ZNF423: variants seen among roughly 807,000 people sequenced by gnomAD.
ZNF423 encodes the protein zinc finger protein 423.
A neutral mutation model predicts 95.8 loss-of-function variants in ZNF423; 12 were observed. That is an observed-to-expected ratio of 0.13 (90% confidence interval 0.08 to 0.20). The LOEUF (loss-of-function observed/expected upper bound fraction) is 0.20. Ranked by LOEUF, ZNF423 falls within the 10% of genes least tolerant of loss-of-function variation. The pLI, the probability that ZNF423 is intolerant of heterozygous loss-of-function variation, is 1.00. For missense variants in ZNF423, 1,316 were observed against 1,737.1 expected (o/e 0.76, Z 4.31); for synonymous variants, 749 against 711.9 (o/e 1.05, Z -0.83).
chr16:49,554,061 AATG>A (rs1055898696), intron 5 of ZNF423, among the ~76,000 whole-genome samples: 2 of 152,050 alleles, frequency 1.3e-5, no homozygotes, highest in Non-Finnish European at 2.9e-5. Flanking sequence ...CCCCCACAAC[AATG>A]ATATCTTTTC....
intron 5 of ZNF423, among the ~76,000 whole-genome samples, chr16:49,575,748 A>G (rs1422508289): frequency 3.3e-5 from 5 of 152,144 alleles, no homozygotes; most frequent in African/African-American, 1.2e-4. Flanking sequence ...CATGCAAATC[A>G]CCTGGAGCTC....
Position 49,525,225 on chromosome 16 carries a change from G to T in ZNF423, c.3733+138C>A. The T allele has an allele frequency of 3.0e-6, 4 of 1,314,624 alleles. No homozygotes were observed. The East Asian group carries it at 9.7e-5, about 32-fold the overall frequency. 81.4% of individuals were successfully genotyped at this position (1,314,624 alleles called of 1,614,324 possible). A position where few individuals can be genotyped will look rare whatever the true frequency, so the allele number is the denominator to read the frequency against. ...GGGCAAAGGGCCTGTTAATCCCTCA[G>T]GGTATCCCCAACGGAGTCCTGGTCT... On this transcript the variant is annotated intron_variant, in intron 6 of 7. Transcript: ENST00000563137.
chr16:49,504,359 A>T (rs910097731), intron 7 of ZNF423, among the ~76,000 whole-genome samples: 1 of 152,220 alleles, frequency 6.6e-6, no homozygotes, highest in African/African-American at 2.4e-5. Context: ...AGGTGGGCAG[A>T]ACACTTGAGG....
chr16:49,715,760 A>G (rs528372539), intron 3 of ZNF423, among the ~76,000 whole-genome samples: 1 of 151,780 alleles, frequency 6.6e-6, no homozygotes, highest in Non-Finnish European at 1.5e-5. Context: ...AACAAAAGCC[A>G]GACACAGTGG....
chr16:49,636,613 G>A lies in ZNF423; in HGVS notation c.2563C>T (p.Pro855Ser). 6 of 1,613,914 alleles carry A rather than the reference G, an allele frequency of 3.7e-6. No homozygotes were observed. The highest frequency in any genetic ancestry group is 5.1e-6 in the Non-Finnish European group (6 of 1,179,970). ...GGCTCAGCTTTCTTGGTGGCCATTG[G>A]GGGTACCCCATTGGCCGTGCCGTTC... ...TENGTANGVP[P>S]MATKKAEPAD... is the part of the protein sequence containing the mutation. Residue 855 changes from proline to serine, a missense_variant, in exon 4 of 8, where the codon CCA becomes TCA. Around this residue, in one of 6 missense-constraint regions of ZNF423, gnomAD observed 620 missense variants for 775.6 expected, o/e 0.80. Transcript: ENST00000563137. The surrounding 1 kb of genome is among the most constrained non-coding windows in gnomAD (Gnocchi z 8.6).
intron 5 of ZNF423, among the ~76,000 whole-genome samples, chr16:49,566,852 G>C (rs1413525107): frequency 2.6e-5 from 4 of 152,038 alleles, no homozygotes; most frequent in African/African-American, 9.7e-5. Context: ...ATTTTGGGGA[G>C]GGGGTCAGCA....
intron 2 of ZNF423, among the ~76,000 whole-genome samples, chr16:49,770,550 A>T (rs2143704502): frequency 6.6e-6 from 1 of 152,228 alleles, no homozygotes; most frequent in Non-Finnish European, 1.5e-5. Context: ...GAAGGGCAGG[A>T]TAGGGGTTCA....
chr16:49,626,944 C>G (rs541935485), intron 4 of ZNF423, among the ~76,000 whole-genome samples: 1 of 124,112 alleles, frequency 8.1e-6, no homozygotes, highest in South Asian at 3.0e-4. Context: ...CCAATAGACC[C>G]ATCCATCCAT....
intron 5 of ZNF423, among the ~76,000 whole-genome samples, chr16:49,534,100 C>A (rs976399168): frequency 2.6e-5 from 4 of 152,030 alleles, no homozygotes; most frequent in South Asian, 4.2e-4. Flanking sequence ...AACCATTGCA[C>A]CCCAGCCAGC....
chr16:49,795,458 C>T (rs2034483053), intron 1 of ZNF423, among the ~76,000 whole-genome samples: 1 of 152,206 alleles, frequency 6.6e-6, no homozygotes, highest in Admixed American at 6.5e-5. Context: ...AAAACTCTGG[C>T]CACAGAATCC....
At chr16:49,744,593 G>C (rs935448178) in intron 2 of ZNF423, among the ~76,000 whole-genome samples, 1 of 152,230 alleles carries the variant, frequency 6.6e-6, no homozygotes, top group Non-Finnish European at 1.5e-5. Context: ...GGTTTTGATG[G>C]GGACTGCACT....
At chr16:49,806,624 T>C (rs980780057) in intron 1 of ZNF423, among the ~76,000 whole-genome samples, 1 of 152,198 alleles carries the variant, frequency 6.6e-6, no homozygotes, top group African/African-American at 2.4e-5. Flanking sequence ...TGTGTATGTA[T>C]GACGTGTGTG....
At chr16:49,794,211 G>GA (rs1555486641) in intron 1 of ZNF423, among the ~76,000 whole-genome samples, 1 of 146,934 alleles carries the variant, frequency 6.8e-6, no homozygotes, top group African/African-American at 2.5e-5. Flanking sequence ...GATTTTTGTA[G>GA]TTTTTTTTGT....
chr16:49,847,854 G>A lies in ZNF423; in HGVS notation c.40+7881C>T, dbSNP rs1459846614. ...ATGGTTAAGATGGGCCATGCAAGGT[G>A]CCTCATGCCTGTAATCCCAGCATTT... On this transcript the variant is annotated intron_variant, in intron 1 of 7. Coordinates refer to ENST00000563137, the MANE Select transcript of ZNF423 (RefSeq NM_001379286.1). Among the ~76,000 whole-genome samples the A allele has an allele frequency of 2.0e-5, 3 of 152,184 alleles. No individual in the cohort carries two copies. In the East Asian group the frequency reaches 5.8e-4, roughly 29 times the overall value.
intron 3 of ZNF423, among the ~76,000 whole-genome samples, chr16:49,646,535 C>T (rs1354528748): frequency 6.7e-6 from 1 of 148,942 alleles, no homozygotes; most frequent in Non-Finnish European, 1.5e-5. Flanking sequence ...ACAGGCAGAT[C>T]CAGTGGTTAC....
chr16:49,702,670 C>T (rs2032221952), intron 3 of ZNF423, among the ~76,000 whole-genome samples: 1 of 152,236 alleles, frequency 6.6e-6, no homozygotes, highest in Non-Finnish European at 1.5e-5. Flanking sequence ...AGAAAGTGAT[C>T]TGTGACTTTA....
chr16:49,774,765 C>G (rs2034092942), intron 2 of ZNF423, among the ~76,000 whole-genome samples: 1 of 152,086 alleles, frequency 6.6e-6, no homozygotes, highest in Non-Finnish European at 1.5e-5. Context: ...GAGTGAGGTG[C>G]CTCCCATGGT....
At chr16:49,800,243 C>CAA (rs111441917) in intron 1 of ZNF423, among the ~76,000 whole-genome samples, 4 of 120,422 alleles carry the variant, frequency 3.3e-5, no homozygotes, top group African/African-American at 9.1e-5. Context: ...GGCTCTGTCT[C>CAA]AAAAAAAAAA....
chr16:49,638,000 C>T lies in ZNF423; in HGVS notation c.1176G>A (p.Pro392=), dbSNP rs748728165. 3.3e-5 allele frequency: 53 copies of T among 1,613,950 alleles called. No individual in the cohort carries two copies. Among genetic ancestry groups the T allele is most frequent in the South Asian group, 3.2e-4 (29 of 91,084 alleles). Residue 392 remains proline, a synonymous_variant, in exon 4 of 8, where the codon CCG becomes CCA. Coordinates refer to ENST00000563137, the MANE Select transcript of ZNF423 (RefSeq NM_001379286.1). This position sits in a 1 kb window ranked among gnomAD's most constrained non-coding sequence, Gnocchi z 5.6. ...CCCGCAGCGGCTTCAAGGTGGAGTC[C>T]GGGGTGGAGCCACGCTCCACAGAGG... ...SSASVERGST[P]DSTLKPLRGQ...
Sources: allele counts gnomAD v4.1 joint callset (sites outside exome capture counted in the v4.1 genomes callset), GRCh38; gene constraint gnomAD v4.1.1; regional missense constraint gnomAD v4.1.1; non-coding constraint Gnocchi (gnomAD v3.1); transcripts MANE v1.5; gene names NCBI Gene and HGNC (gene_info 2026-07-23, HGNC 2026-07-21).